FAT2: variants seen among roughly 807,000 people sequenced by gnomAD.
The protein encoded by FAT2 is FAT atypical cadherin 2, also known as protocadherin Fat 2.
In FAT2, 150 loss-of-function variants were observed where a neutral mutation model predicts 295.3. The ratio of observed to expected loss-of-function variants is 0.51; its 90% CI spans 0.44 to 0.58. FAT2 has a LOEUF of 0.58. FAT2 is among the 20% of genes least tolerant of loss of function. The probability of loss-of-function intolerance (pLI) is 0.00; values close to 1 mark genes in which losing one functional copy is unlikely to be tolerated. For missense variants in FAT2, 4,868 were observed against 5,442.7 expected, an observed-to-expected ratio of 0.89 and a Z score of 3.32; for synonymous variants, 2,026 against 2,150.3, an observed-to-expected ratio of 0.94 and a Z score of 1.60.
In FAT2 at chr5:151,542,871, C is replaced by G. The variant is rs1756287445; in HGVS notation, c.8256G>C (p.Arg2752Ser). The G allele has an allele frequency of 6.2e-7, 1 of 1,614,090 alleles. No individual in the cohort carries two copies. ...TGGTGGATTCGTGGTCCATGGGCTTCCTCACCTTTATGACCCCTGTGTCTG... is the reference window on the plus strand; with the variant it reads ...TGGTGGATTCGTGGTCCATGGGCTTGCTCACCTTTATGACCCCTGTGTCTG... ...LDPDTGVIKV[R>S]KPMDHESTKL... Residue 2752 changes from arginine to serine, a missense_variant, in exon 10 of 24, where the codon AGG becomes AGC. Physicochemically the swap from Arg to Ser is moderately radical, Grantham distance 110. This residue lies in a region of FAT2 where 3,297 missense variants were observed against 3,669.4 expected (regional missense o/e 0.90). Coordinates refer to ENST00000261800, the MANE Select transcript of FAT2 (RefSeq NM_001447.3).
Position 151,531,275 on chromosome 5 carries a change from C to T in FAT2, c.9811+312G>A, listed in dbSNP as rs1754563795. On this transcript the variant is annotated intron_variant, in intron 14 of 23. Transcript: ENST00000261800. The surrounding 1 kb of genome is among the most constrained non-coding windows in gnomAD (Gnocchi z 5.7). ...GCAGCCAAGCCGTTTCTGCCTCCTGCGCTGGGCCTGAGCTGAGACCATGAA... is the reference window on the plus strand; with the variant it reads ...GCAGCCAAGCCGTTTCTGCCTCCTGTGCTGGGCCTGAGCTGAGACCATGAA... Among the ~76,000 whole-genome samples, 1 of 152,186 alleles carries T rather than the reference C, an allele frequency of 6.6e-6. No individual in the cohort carries two copies. The highest frequency in any genetic ancestry group is 2.1e-4 in the South Asian group (1 of 4,822).
At position 151,550,756 on chromosome 5, in the gene FAT2, T is replaced by C. The variant is rs2127622017; in HGVS notation, c.4412A>G (p.Gln1471Arg). 2 of 1,614,146 alleles carry C rather than the reference T, an allele frequency of 1.2e-6. No homozygotes were observed. The highest frequency in any genetic ancestry group is 1.7e-6 in the Non-Finnish European group (2 of 1,180,024). ...TTTGCCCTTGTCTTGATCTATGGCC[T>C]GGACTCGCAGGAGCTCTACCCCTGG... ...TVPGVELLRV[Q>R]AIDQDKGKSL... The change falls in exon 8 of 24, where the codon CAG becomes CGG. Residue 1471 changes from glutamine to arginine, a missense_variant. Coordinates refer to ENST00000261800, the MANE Select transcript of FAT2 (RefSeq NM_001447.3).
intron 19 of FAT2, among the ~76,000 whole-genome samples, chr5:151,518,805 G>A (rs762307196): frequency 6.6e-6 from 1 of 152,166 alleles, no homozygotes; most frequent in African/African-American, 2.4e-5. Flanking sequence ...ATAGCATTCT[G>A]TTGAACCCCC....
chr5:151,534,360 G>C (rs1336064168), intron 13 of FAT2, 49 bp downstream of exon 13: 2 of 1,469,038 alleles, frequency 1.4e-6, no homozygotes, highest in East Asian at 4.8e-5. Context: ...CCTTGCCCAA[G>C]GTGACCCAGG....
At chr5:151,556,226 G>C in intron 4 of FAT2, 118 bp downstream of exon 4, 1 of 805,980 alleles carries the variant, frequency 1.2e-6, no homozygotes, top group Non-Finnish European at 2.2e-6. Context: ...TTCAGCTCAC[G>C]TATATCTTCC....
At chr5:151,588,986 G>A (rs955681453) in intron 1 of FAT2, among the ~76,000 whole-genome samples, 22 of 152,050 alleles carry the variant, frequency 1.4e-4, no homozygotes, top group Non-Finnish European at 2.2e-4. Context: ...AATAATATCC[G>A]GGAGTTGGAC....
At position 151,507,372 on chromosome 5, in the gene FAT2, G is replaced by T. The variant is rs763502422; in HGVS notation, c.12299C>A (p.Ala4100Asp). ...SVGVDTQAMP[A>D]IELNPLSASS... The stretch of plus-strand genomic sequence containing the variant: ...GGCACTCAATGGGTTGAGCTCGATG[G>T]CAGGCATGGCTTGGGTGTCAACACC... The change falls in exon 23 of 24, where the codon GCC becomes GAC. Residue 4100 changes from alanine to aspartate, a missense_variant. By Grantham distance (126) the Ala-to-Asp change is moderately radical. Coordinates refer to ENST00000261800, the MANE Select transcript of FAT2 (RefSeq NM_001447.3). The T allele has an allele frequency of 1.4e-5, 22 of 1,614,082 alleles. No individual in the cohort carries two copies. Among genetic ancestry groups the T allele is most frequent in the Non-Finnish European group, 1.6e-5 (19 of 1,180,038 alleles).
chr5:151,504,136 A>G lies in FAT2; in HGVS notation c.*1429T>C, dbSNP rs1760665951. The G allele has an allele frequency of 2.0e-5, 3 of 152,650 alleles. No homozygotes were observed. Among genetic ancestry groups the G allele is most frequent in the South Asian group, 2.1e-4 (1 of 4,832 alleles). 9.5% of individuals were successfully genotyped at this position (152,650 alleles called of 1,614,324 possible). A position where few individuals can be genotyped will look rare whatever the true frequency, so the allele number is the denominator to read the frequency against. Reference sequence around the variant, plus strand: ...TTTATTGTTAAAAAAAAAATGACCAATGAAACTATGTATCTGTCACTCACA... The same window carrying G: ...TTTATTGTTAAAAAAAAAATGACCAGTGAAACTATGTATCTGTCACTCACA... On this transcript the variant is annotated 3_prime_UTR_variant, in exon 24 of 24. Transcript: ENST00000261800.
chr5:151,537,455 GAGGGA>G (rs1474383870), intron 12 of FAT2, among the ~76,000 whole-genome samples: 16 of 109,164 alleles, frequency 1.5e-4, no homozygotes, highest in Middle Eastern at 4.1e-3. Flanking sequence ...GAGGGGAGGG[GAGGGA>G]AGGAAAGGAG....
At position 151,521,750 on chromosome 5, in the gene FAT2, C is replaced by G. The variant is rs1261352982; in HGVS notation, c.10843G>C (p.Val3615Leu). 6.2e-7 allele frequency: 1 copy of G among 1,614,024 alleles called. No homozygotes were observed. The highest frequency in any genetic ancestry group is 2.2e-5 in the East Asian group (1 of 44,874). Residue 3615 changes from valine (V) to leucine (L), a missense_variant, in exon 19 of 24, where the codon GTC (valine) becomes CTC (leucine). Val to Leu is a conservative substitution (Grantham distance 32). Transcript: ENST00000261800. ...SDGTFTTTAG[V>L]HVYVWHVGQE... ...CCCACATGCCACACGTACACATGGACCCCAGCAGTCGTGGTGAAGGTCCCA... is the reference window on the plus strand; with the variant it reads ...CCCACATGCCACACGTACACATGGAGCCCAGCAGTCGTGGTGAAGGTCCCA...
rs1561843257 is a variant in FAT2, at chr5:151,537,962, C to G, written c.9040-16G>C. Reference sequence around the variant, plus strand: ...TATAGAGAAGCTAGAGATGGAAAGACAAAGAAGAGGGAGACTGTGGGGACT... The same window carrying G: ...TATAGAGAAGCTAGAGATGGAAAGAGAAAGAAGAGGGAGACTGTGGGGACT... On this transcript the variant is annotated splice_polypyrimidine_tract_variant and intron_variant, in intron 11 of 23. Coordinates refer to ENST00000261800, the MANE Select transcript of FAT2 (RefSeq NM_001447.3). The G allele has an allele frequency of 1.2e-6, 2 of 1,611,890 alleles. No individual in the cohort carries two copies. The highest frequency in any genetic ancestry group is 1.7e-6 in the Non-Finnish European group (2 of 1,178,842).
Position 151,510,057 on chromosome 5 carries a change from G to C in FAT2, c.12023C>G (p.Ala4008Gly), listed in dbSNP as rs763771667. Residue 4008 changes from alanine (A) to glycine (G), a missense_variant, in exon 22 of 24, where the codon GCT becomes GGT. Transcript: ENST00000261800. ...GGTCILSPKGASCNCPHPYTG... is the reference protein window; with the variant it reads ...GGTCILSPKGGSCNCPHPYTG... ...GTAAGGATGAGGGCAGTTACAGGAA[G>C]CTCCTTTGGGGGAGAGGATGCAAGT... The C allele has an allele frequency of 1.2e-6, 2 of 1,614,078 alleles. No homozygotes were observed. Among genetic ancestry groups the C allele is most frequent in the African/African-American group, 2.7e-5 (2 of 74,942 alleles).
In FAT2 at chr5:151,546,343, AC is replaced by A. The variant is rs756164024; in HGVS notation, c.4790-7del. On this transcript the variant is annotated splice_region_variant and splice_polypyrimidine_tract_variant and intron_variant, in intron 9 of 23. Coordinates refer to ENST00000261800, the MANE Select transcript of FAT2 (RefSeq NM_001447.3). Reference sequence around the variant, plus strand: ...GAAGAAACCTTCGCTGTTCCCTGAAACAGAAGACAAGACAAACAAGTTTGCC... The same window carrying A: ...GAAGAAACCTTCGCTGTTCCCTGAAAAGAAGACAAGACAAACAAGTTTGCC... 5.6e-6 allele frequency: 9 copies of A among 1,606,148 alleles called. No individual in the cohort carries two copies. Among genetic ancestry groups the A allele is most frequent in the Admixed American group, 1.7e-5 (1 of 59,684 alleles).
chr5:151,543,069 T>G lies in FAT2; in HGVS notation c.8058A>C (p.Val2686=). Residue 2686 remains valine, a synonymous_variant, in exon 10 of 24, where the codon GTA becomes GTC. Transcript: ENST00000261800. ...AAGGTTCAGAAAATTTCGGTAAGGA[T>G]ACTTTTTTAGGAACCACCTGAAGTC... The part of the protein sequence containing the change: ...PVRLQVVPKK[V]SLPKFSEPLY... 5 of 1,614,194 alleles carry G rather than the reference T, an allele frequency of 3.1e-6. No individual in the cohort carries two copies. Among genetic ancestry groups the G allele is most frequent in the African/African-American group, 1.3e-5 (1 of 75,040 alleles).
rs368309685 is a variant in FAT2, at chr5:151,507,233, G to T, written c.12438C>A (p.Pro4146=). 2 of 1,613,764 alleles carry T rather than the reference G, an allele frequency of 1.2e-6. No homozygotes were observed. The highest frequency in any genetic ancestry group is 2.2e-5 in the East Asian group (1 of 44,878). ...KQRPVVCSVP[P]RLPPAAVPSH... The stretch of plus-strand genomic sequence containing the variant: ...AAGGGACCGCAGCTGGCGGGAGTCT[G>T]GGGGGCACACTGCAGACCACTGGCC... Residue 4146 remains proline, a synonymous_variant, in exon 23 of 24, where the codon CCC becomes CCA. Transcript: ENST00000261800.
At chr5:151,592,453 C>T (rs963469871), upstream of FAT2, among the ~76,000 whole-genome samples, 1 of 152,048 alleles carries the variant, frequency 6.6e-6, no homozygotes, top group Non-Finnish European at 1.5e-5. Flanking sequence ...GTCTTGAAGC[C>T]CCTCTGCAAC....
chr5:151,527,186 GA>G, intron 17 of FAT2, 47 bp downstream of exon 17: 1 of 1,547,482 alleles, frequency 6.5e-7, no homozygotes, highest in Non-Finnish European at 8.8e-7. Context: ...TGCTAGAAGG[GA>G]AATGAAGGGA....
In FAT2 at chr5:151,515,957, C is replaced by G. The variant is rs986672352; in HGVS notation, c.11463+1663G>C. On this transcript the variant is annotated intron_variant, in intron 20 of 23. Coordinates refer to ENST00000261800, the MANE Select transcript of FAT2 (RefSeq NM_001447.3). ...GTCCTACAAGACCTTCATAGATATG[C>G]CCCATCCCATTACGTCTCTGACCAA... Among the ~76,000 whole-genome samples, 41 of 152,210 alleles carry G rather than the reference C, an allele frequency of 2.7e-4. 1 individual carries two copies. Among genetic ancestry groups the G allele is most frequent in the African/African-American group, 9.2e-4 (38 of 41,450 alleles).
chr5:151,571,350 G>A (rs908106082), intron 1 of FAT2, among the ~76,000 whole-genome samples: 1 of 152,214 alleles, frequency 6.6e-6, no homozygotes, highest in Non-Finnish European at 1.5e-5. Flanking sequence ...AGGTCCACTG[G>A]CTCCACAGCT....
Sources: allele counts gnomAD v4.1 joint callset (sites outside exome capture counted in the v4.1 genomes callset), GRCh38; gene constraint gnomAD v4.1.1; regional missense constraint gnomAD v4.1.1; non-coding constraint Gnocchi (gnomAD v3.1); transcripts MANE v1.5; gene names NCBI Gene and HGNC (gene_info 2026-07-23, HGNC 2026-07-21).